ABCA13: variants seen among roughly 807,000 people sequenced by gnomAD.
The protein encoded by ABCA13 is ATP-binding cassette sub-family A member 13.
A neutral mutation model predicts 478.7 loss-of-function variants in ABCA13; 476 were observed. The observed-to-expected ratio is 0.99, with a 90% CI of 0.92 to 1.07. The LOEUF (loss-of-function observed/expected upper bound fraction) is 1.07, where lower values mean the gene tolerates loss of function less well. ABCA13 is among the 50% of genes least tolerant of loss of function. The probability of loss-of-function intolerance (pLI) is 0.00; values close to 1 mark genes in which losing one functional copy is unlikely to be tolerated. For synonymous variants in ABCA13, 2,252 were observed against 2,158.9 expected, an observed-to-expected ratio of 1.04 and a Z score of -1.20; for missense variants, 6,060 against 5,910.6, an observed-to-expected ratio of 1.03 and a Z score of -0.83.
In ABCA13 at chr7:48,278,177, T is replaced by C. The variant is rs200978502; in HGVS notation, c.6983T>C (p.Ile2328Thr). ...TLMIQDRLMN[I>T]FSSLKETIYH... ...ATGATACAAGACAGATTGATGAACA[T>C]TTTTTCAAGTTTAAAGGAGACTATA... The change falls in exon 18 of 62, where the codon ATT becomes ACT. Residue 2328 changes from isoleucine to threonine, a missense_variant. Ile to Thr is a moderately conservative substitution (Grantham distance 89, BLOSUM62 -1). This residue lies in a region of ABCA13 where 4,423 missense variants were observed against 4,309.1 expected (regional missense o/e 1.03). Coordinates refer to ENST00000435803, the MANE Select transcript of ABCA13 (RefSeq NM_152701.5). The C allele has an allele frequency of 5.5e-5, 86 of 1,564,476 alleles. No homozygotes were observed. Among genetic ancestry groups the C allele is most frequent in the Admixed American group, 9.5e-5 (5 of 52,490 alleles).
At chr7:48,401,882 C>A (rs1554494692) in intron 38 of ABCA13, among the ~76,000 whole-genome samples, 1 of 151,984 alleles carries the variant, frequency 6.6e-6, no homozygotes, top group Non-Finnish European at 1.5e-5. Flanking sequence ...CAGAGTGAAC[C>A]AGATCGGTCA....
intron 53 of ABCA13, among the ~76,000 whole-genome samples, chr7:48,522,749 C>T (rs1371781494): frequency 2.6e-5 from 4 of 152,162 alleles, no homozygotes; most frequent in Admixed American, 1.3e-4. Context: ...CACACCTGGG[C>T]CCCTCCCTAG....
At chr7:48,422,627 AC>A (rs1168831084) in intron 41 of ABCA13, among the ~76,000 whole-genome samples, 1 of 152,162 alleles carries the variant, frequency 6.6e-6, no homozygotes, top group Non-Finnish European at 1.5e-5. Flanking sequence ...CTCCAGGGAC[AC>A]CTCAAATCAA....
At chr7:48,592,170 C>T (rs1461845567) in intron 57 of ABCA13, among the ~76,000 whole-genome samples, 2 of 149,250 alleles carry the variant, frequency 1.3e-5, no homozygotes, top group Admixed American at 6.6e-5. Flanking sequence ...TCTTCAATTG[C>T]AAAGGTAAGA....
intron 23 of ABCA13, among the ~76,000 whole-genome samples, chr7:48,305,833 G>A (rs373194051): frequency 5.8e-4 from 88 of 152,280 alleles, no homozygotes; most frequent in African/African-American, 2.0e-3. Flanking sequence ...GAGAGGCATC[G>A]CCCTGGATCC....
rs149446466 is a variant in ABCA13, at chr7:48,487,170, C to T, written c.13183-2066C>T. Among the ~76,000 whole-genome samples the T allele has an allele frequency of 8.0e-3, 1,222 of 151,994 alleles. 4 individuals carry two copies. Among genetic ancestry groups the T allele is most frequent in the East Asian group, 0.022 (113 of 5,144 alleles). On this transcript the variant is annotated intron_variant, in intron 47 of 61. Transcript: ENST00000435803. Reference sequence around the variant, plus strand: ...TACTAAAAATACAAAATTAGCCGGGCGTGGTGGCACATGCCTGTAATGCCA... The same window carrying T: ...TACTAAAAATACAAAATTAGCCGGGTGTGGTGGCACATGCCTGTAATGCCA...
intron 38 of ABCA13, among the ~76,000 whole-genome samples, chr7:48,392,506 T>C (rs1025301871): frequency 6.6e-5 from 10 of 152,188 alleles, no homozygotes; most frequent in Non-Finnish European, 1.0e-4. Context: ...AGCTGATTAG[T>C]CTGCCTTTTC....
chr7:48,387,786 AAAAATT>A, intron 35 of ABCA13, 30 bp from the exon 36 acceptor site: 1 of 1,480,810 alleles, frequency 6.8e-7, no homozygotes, highest in Non-Finnish European at 9.0e-7. Context: ...CATCTAAATA[AAAAATT>A]AAACTAATTT....
rs985491923 is a variant in ABCA13, at chr7:48,444,985, TTCTTTCTTTCTC to T, written c.12566-10040_12566-10029del. Among the ~76,000 whole-genome samples, 18 of 150,880 alleles carry T rather than the reference TTCTTTCTTTCTC, an allele frequency of 1.2e-4. No homozygotes were observed. The East Asian group carries it at 3.6e-3, about 30-fold the overall frequency. ...CATGCTCTACACTGCAGCCAAGTCT[TTCTTTCTTTCTC>T]TCTTTCTTTCTTTCTTTTTTTTTTT... is the stretch of plus-strand genomic sequence containing the variant. On this transcript the variant is annotated intron_variant, in intron 42 of 61. Coordinates refer to ENST00000435803, the MANE Select transcript of ABCA13 (RefSeq NM_152701.5).
chr7:48,249,836 C>A (rs1200300020), intron 15 of ABCA13, among the ~76,000 whole-genome samples: 1 of 152,210 alleles, frequency 6.6e-6, no homozygotes, highest in African/African-American at 2.4e-5. Flanking sequence ...ATTTGTTCCA[C>A]AACAAGCAAT....
chr7:48,376,621 T>C lies in ABCA13; in HGVS notation c.11335+49T>C. The C allele has an allele frequency of 2.5e-6, 4 of 1,574,104 alleles. No individual in the cohort carries two copies. The South Asian group carries it at 4.5e-5, about 18-fold the overall frequency. ...ATAACACAATAAATTTTAAAAACAG[T>C]TTGAATTAATATGCATAAATATTAG... On this transcript the variant is annotated intron_variant, in intron 35 of 61. Transcript: ENST00000435803.
At position 48,392,119 on chromosome 7, in the gene ABCA13, G is replaced by A. The variant is rs1431267024; in HGVS notation, c.11853G>A (p.Glu3951=). The A allele has an allele frequency of 5.0e-6, 8 of 1,613,876 alleles. No individual in the cohort carries two copies. In the South Asian group the frequency reaches 6.6e-5, roughly 13 times the overall value. ...AGGCGCCTCAGTGGACCAAGAAGGA[G>A]CTGCATCAGCAAGTCAATCAGTTAG... ...SIKAPQWTKK[E]LHQQVNQTLQ... is the part of the protein sequence containing the mutation. Residue 3951 remains glutamate, a synonymous_variant, in exon 38 of 62, where the codon GAG becomes GAA. Coordinates refer to ENST00000435803, the MANE Select transcript of ABCA13 (RefSeq NM_152701.5).
intron 37 of ABCA13, 30 bp downstream of exon 37, chr7:48,389,250 T>G: frequency 6.3e-7 from 1 of 1,577,972 alleles, no homozygotes; most frequent in Non-Finnish European, 8.6e-7. Context: ...TATCAAACAC[T>G]GGGCATTTGA....
rs1205599996 is a variant in ABCA13, at chr7:48,276,461, A to T, written c.6795A>T (p.Glu2265Asp). The T allele has an allele frequency of 6.3e-6, 10 of 1,599,750 alleles. No individual in the cohort carries two copies. Among genetic ancestry groups the T allele is most frequent in the Non-Finnish European group, 8.5e-6 (10 of 1,173,862 alleles). Residue 2265 changes from glutamate (E) to aspartate (D), a missense_variant, in exon 17 of 62, where the codon GAA (glutamate) becomes GAT (aspartate). By Grantham distance (45) the Glu-to-Asp change is conservative. Transcript: ENST00000435803. ...LSLRSIVDFTEQFLKTFFSLF... is the reference protein window; with the variant it reads ...LSLRSIVDFTDQFLKTFFSLF... ...TGAGAAGCATAGTAGATTTCACAGA[A>T]CAGTTTTTGAAAACATTCTTCTCCC... is the stretch of plus-strand genomic sequence containing the variant.
At chr7:48,329,898 CACCT>C (rs1356492339) in intron 27 of ABCA13, among the ~76,000 whole-genome samples, 6 of 151,882 alleles carry the variant, frequency 4.0e-5, no homozygotes, top group African/African-American at 1.5e-4. Context: ...TCCATCCACC[CACCT>C]ATCCACCCAT....
At chr7:48,248,541 T>C in intron 14 of ABCA13, 97 bp downstream of exon 14, 1 of 1,010,204 alleles carries the variant, frequency 9.9e-7, no homozygotes, top group Non-Finnish European at 1.4e-6. Flanking sequence ...TATGGTAGAT[T>C]ATATTTTGAA....
In ABCA13 at chr7:48,208,513, AT is replaced by A. The variant is rs371898497; in HGVS notation, c.287+10159del. On this transcript the variant is annotated intron_variant, in intron 3 of 61. Transcript: ENST00000435803. The stretch of plus-strand genomic sequence containing the variant: ...GGGTTTTATAGTTTTCATTGCAAGG[AT>A]TTTTTGCTTTTTTGGTTAGGTTTAT... Among the ~76,000 whole-genome samples the A allele has an allele frequency of 1.4e-3, 208 of 151,600 alleles. 1 individual carries two copies. Among genetic ancestry groups the A allele is most frequent in the African/African-American group, 4.7e-3 (195 of 41,396 alleles).
chr7:48,322,088 A>C (rs1351705816), intron 27 of ABCA13, among the ~76,000 whole-genome samples: 2 of 152,228 alleles, frequency 1.3e-5, no homozygotes, highest in Non-Finnish European at 2.9e-5. Flanking sequence ...GCTACAGGAA[A>C]TAGAGAACTA....
chr7:48,192,772 A>T (rs983534347), intron 1 of ABCA13, among the ~76,000 whole-genome samples, 187 bp from the exon 2 acceptor site: 1 of 152,166 alleles, frequency 6.6e-6, no homozygotes, highest in African/African-American at 2.4e-5. Context: ...GGAGAAGAAC[A>T]AGGAGATGAC....
Sources: gnomAD v4.1 joint callset for allele counts (sites outside exome capture counted in the v4.1 genomes callset) on GRCh38, gnomAD v4.1.1 for gene constraint, gnomAD v4.1.1 regional missense constraint, MANE v1.5 for transcripts, NCBI Gene and HGNC (gene_info 2026-07-23, HGNC 2026-07-21) for gene names.